The following NWD2 variants were observed in gnomAD, a reference collection of about 807,000 sequenced individuals.
The protein encoded by NWD2 is NACHT and WD repeat domain containing 2, also known as NACHT and WD repeat domain-containing protein 2.
Under a neutral mutation model 132.7 loss-of-function variants are expected in NWD2, and 37 were observed. The ratio of observed to expected loss-of-function variants is 0.28; its 90% CI spans 0.21 to 0.37. The LOEUF (loss-of-function observed/expected upper bound fraction) is 0.37. Among genes scored for constraint, NWD2 ranks in the 10% least tolerant of loss-of-function variants. The probability of loss-of-function intolerance (pLI) is 1.00; values close to 1 mark genes in which losing one functional copy is unlikely to be tolerated. For missense variants in NWD2, 1,592 were observed against 2,122.4 expected, an observed-to-expected ratio of 0.75 and a Z score of 4.91; for synonymous variants, 705 against 803.0, an observed-to-expected ratio of 0.88 and a Z score of 2.06.
At chr4:37,368,264 A>C (rs542748025) in intron 3 of NWD2, among the ~76,000 whole-genome samples, 2 of 152,298 alleles carry the variant, frequency 1.3e-5, no homozygotes, top group South Asian at 2.1e-4. Flanking sequence ...TGTAAAAACA[A>C]AGATTTCTTA....
At chr4:37,441,789 C>T (rs1442142658) in intron 6 of NWD2, among the ~76,000 whole-genome samples, 1 of 152,180 alleles carries the variant, frequency 6.6e-6, no homozygotes, top group African/African-American at 2.4e-5. Context: ...TCAACAACAA[C>T]CTGTACCGTC....
intron 2 of NWD2, among the ~76,000 whole-genome samples, chr4:37,335,500 T>C (rs1178319382): frequency 6.6e-6 from 1 of 152,146 alleles, no homozygotes; most frequent in Non-Finnish European, 1.5e-5. Flanking sequence ...GCAATCACAT[T>C]ATTTATATCT....
intron 3 of NWD2, among the ~76,000 whole-genome samples, chr4:37,364,124 C>T (rs1480695937): frequency 2.0e-5 from 3 of 152,062 alleles, no homozygotes; most frequent in Non-Finnish European, 2.9e-5. Context: ...GGCTACAGAG[C>T]GAGACTCTGT....
Position 37,371,072 on chromosome 4 carries a change from C to CTTTTTTTTTTTT in NWD2, c.357+14595_357+14596insTTTTTTTTTTTT, listed in dbSNP as rs1309185055. Reference sequence around the variant, plus strand: ...TGCCAAAGAAGTTCAATTTTTTTTTCTTTTTCTTTTTTTTTTTTTTTTTGA... The same window carrying CTTTTTTTTTTTT: ...TGCCAAAGAAGTTCAATTTTTTTTTCTTTTTTTTTTTTTTTTTCTTTTTTTTTTTTTTTTTGA... On this transcript the variant is annotated intron_variant, in intron 3 of 6. Coordinates refer to ENST00000309447, the MANE Select transcript of NWD2 (RefSeq NM_001144990.2). 9.0e-5 allele frequency among the ~76,000 whole-genome samples: 9 copies of CTTTTTTTTTTTT among 100,524 alleles called. 1 individual carries two copies. The highest frequency in any genetic ancestry group is 1.1e-4 in the Non-Finnish European group (6 of 53,618). 65.9% of individuals were successfully genotyped at this position (100,524 alleles called of 152,430 possible). A position where few individuals can be genotyped will look rare whatever the true frequency, so the allele number is the denominator to read the frequency against.
At chr4:37,440,520 T>C (rs979569338) in intron 6 of NWD2, among the ~76,000 whole-genome samples, 7 of 152,242 alleles carry the variant, frequency 4.6e-5, no homozygotes, top group Admixed American at 4.6e-4. Context: ...GGGGGCATTC[T>C]ATAGGTGGTC....
intron 2 of NWD2, among the ~76,000 whole-genome samples, chr4:37,336,657 T>G (rs1719411741): frequency 6.6e-6 from 1 of 152,094 alleles, no homozygotes; most frequent in Admixed American, 6.6e-5. Flanking sequence ...GAAAATAAAT[T>G]TGGCTGGGCG....
intron 3 of NWD2, among the ~76,000 whole-genome samples, chr4:37,380,837 A>G (rs1439620605): frequency 1.3e-5 from 2 of 152,174 alleles, no homozygotes; most frequent in Middle Eastern, 3.2e-3. Context: ...TTCTGTATTG[A>G]TTCTGACAAA....
chr4:37,392,394 A>G (rs1414909831), intron 3 of NWD2, among the ~76,000 whole-genome samples: 6 of 152,126 alleles, frequency 3.9e-5, no homozygotes, highest in African/African-American at 1.4e-4. Context: ...AGCCTCAGCT[A>G]TACTGACACC....
chr4:37,347,169 A>G (rs1025437264), intron 2 of NWD2, among the ~76,000 whole-genome samples: 1 of 152,094 alleles, frequency 6.6e-6, no homozygotes. Flanking sequence ...CACCATATTC[A>G]GAGAACATAC....
chr4:37,321,164 GAGAA>G (rs1216662108), intron 1 of NWD2, among the ~76,000 whole-genome samples: 2 of 152,000 alleles, frequency 1.3e-5, no homozygotes, highest in African/African-American at 4.8e-5. Flanking sequence ...TCAAAAAAAA[GAGAA>G]AGAAAAAAAT....
intron 2 of NWD2, among the ~76,000 whole-genome samples, chr4:37,354,620 C>T (rs1719834190): frequency 6.6e-6 from 1 of 152,184 alleles, no homozygotes; most frequent in African/African-American, 2.4e-5. Context: ...TATTATTGTC[C>T]TTCTCAGGAC....
intron 3 of NWD2, among the ~76,000 whole-genome samples, chr4:37,394,264 C>T (rs1273424953): frequency 1.3e-5 from 2 of 152,128 alleles, no homozygotes; most frequent in Non-Finnish European, 2.9e-5. Flanking sequence ...TTTATATATT[C>T]ATCTTTGTTG....
chr4:37,336,208 A>G (rs1479665131), intron 2 of NWD2, among the ~76,000 whole-genome samples: 2 of 152,058 alleles, frequency 1.3e-5, no homozygotes, highest in African/African-American at 4.8e-5. Flanking sequence ...GGTTTTTCTT[A>G]GATATTCTTT....
At chr4:37,268,732 G>GA (rs5857559) in intron 1 of NWD2, among the ~76,000 whole-genome samples, 128,795 of 151,642 alleles carry the variant, frequency 0.85, 55,271 homozygotes, top group African/African-American at 0.95. Flanking sequence ...TTGGCATGAG[G>GA]AATCAGTGTT....
At chr4:37,318,383 T>C (rs1719001411) in intron 1 of NWD2, among the ~76,000 whole-genome samples, 1 of 152,210 alleles carries the variant, frequency 6.6e-6, no homozygotes, top group African/African-American at 2.4e-5. Flanking sequence ...CTTCCATGAA[T>C]TCATAGTCTA....
chr4:37,266,088 G>T (rs1406042151), intron 1 of NWD2, among the ~76,000 whole-genome samples: 1 of 151,844 alleles, frequency 6.6e-6, no homozygotes, highest in Non-Finnish European at 1.5e-5. Context: ...GTCTTCGTTG[G>T]TGAGTTCTTT....
At chr4:37,405,436 GAA>G in intron 3 of NWD2, among the ~76,000 whole-genome samples, 1 of 49,510 alleles carries the variant, frequency 2.0e-5, no homozygotes, top group South Asian at 8.2e-4. Flanking sequence ...GAATAGAATA[GAA>G]TAGAATAGAA....
intron 1 of NWD2, among the ~76,000 whole-genome samples, chr4:37,267,031 C>A (rs1364694799): frequency 1.3e-5 from 2 of 151,590 alleles, no homozygotes; most frequent in Non-Finnish European, 2.9e-5. Context: ...AAAGATGAGT[C>A]GAATTTACGT....
chr4:37,435,593 G>A (rs1014463417), intron 5 of NWD2, among the ~76,000 whole-genome samples: 4 of 152,012 alleles, frequency 2.6e-5, no homozygotes, highest in Admixed American at 2.0e-4. Context: ...AAAGTACCTG[G>A]AGTGAAGCTT....
Sources: allele counts gnomAD v4.1 joint callset (sites outside exome capture counted in the v4.1 genomes callset), GRCh38; gene constraint gnomAD v4.1.1; transcripts MANE v1.5; gene names NCBI Gene and HGNC (gene_info 2026-07-23, HGNC 2026-07-21).